Variants in ATG10 observed in about 807,000 individuals in gnomAD.
The protein encoded by ATG10 is ubiquitin-like-conjugating enzyme ATG10.
In ATG10, 30 loss-of-function variants were observed where a neutral mutation model predicts 32.1. That is an observed-to-expected ratio of 0.94 (90% CI 0.70 to 1.27). ATG10 has a LOEUF of 1.27. Ranked by LOEUF, ATG10 falls within the 50% of genes most tolerant of loss-of-function variation. The pLI is 0.00. For synonymous variants in ATG10, 87 were observed against 91.5 expected (o/e 0.95, Z 0.28); for missense variants, 233 against 262.3 (o/e 0.89, Z 0.77).
At chr5:82,156,917 C>T (rs929012133) in intron 3 of ATG10, among the ~76,000 whole-genome samples, 1 of 152,214 alleles carries the variant, frequency 6.6e-6, no homozygotes, top group African/African-American at 2.4e-5. Context: ...CACAGTTCCA[C>T]CTTTTACTTG....
chr5:82,056,208 A>T (rs1364063539), intron 2 of ATG10, among the ~76,000 whole-genome samples: 1 of 152,200 alleles, frequency 6.6e-6, no homozygotes, highest in Non-Finnish European at 1.5e-5. Context: ...GTTACTTAAT[A>T]GCAAAATTAT....
chr5:82,252,672 A>G lies in ATG10; in HGVS notation c.551+13A>G, dbSNP rs754075852. The G allele has an allele frequency of 1.4e-6, 2 of 1,440,450 alleles. No individual in the cohort carries two copies. Among genetic ancestry groups the G allele is most frequent in the Non-Finnish European group, 9.7e-7 (1 of 1,035,706 alleles). The allele number at this position is 1,440,450 out of a possible 1,614,324, so 89.2% of individuals were successfully genotyped here. ...AGAAAATCAATAAGTAAGAAACACCATCAAGATACATTGGCTTCTACTCTG... is the reference window on the plus strand; with the variant it reads ...AGAAAATCAATAAGTAAGAAACACCGTCAAGATACATTGGCTTCTACTCTG... On this transcript the variant is annotated intron_variant, in intron 6 of 7. Coordinates refer to ENST00000282185, the MANE Select transcript of ATG10 (RefSeq NM_031482.5).
At chr5:82,238,817 T>G (rs762527027) in intron 5 of ATG10, among the ~76,000 whole-genome samples, 2 of 152,148 alleles carry the variant, frequency 1.3e-5, no homozygotes, top group Admixed American at 6.5e-5. Context: ...GCATATATTT[T>G]GGTAGTATTT....
chr5:82,039,142 G>A (rs765067409), intron 2 of ATG10, among the ~76,000 whole-genome samples: 4 of 152,164 alleles, frequency 2.6e-5, no homozygotes, highest in South Asian at 4.1e-4. Flanking sequence ...CACCGTGCCT[G>A]GCCCCCTTTT....
chr5:82,142,227 A>G (rs1344177285), intron 3 of ATG10, among the ~76,000 whole-genome samples: 1 of 152,228 alleles, frequency 6.6e-6, no homozygotes, highest in African/African-American at 2.4e-5. Context: ...AGGCTAGTGG[A>G]CAGACTCATA....
rs1747442672 is a variant in ATG10, at chr5:82,255,867, C to T, written c.*1804C>T. On this transcript the variant is annotated 3_prime_UTR_variant, in exon 8 of 8. Transcript: ENST00000282185. Reference sequence around the variant, plus strand: ...CTGCAGATTAAGAGCTGAACTCTCACAGAGAAAGTGGAAGTAGAGAAAGGG... The same window carrying T: ...CTGCAGATTAAGAGCTGAACTCTCATAGAGAAAGTGGAAGTAGAGAAAGGG... 2 of 152,174 alleles carry T rather than the reference C, an allele frequency of 1.3e-5. No homozygotes were observed. The highest frequency in any genetic ancestry group is 4.8e-5 in the African/African-American group (2 of 41,438). The allele number at this position is 152,174 out of a possible 1,614,324, so 9.4% of individuals were successfully genotyped here.
intron 3 of ATG10, among the ~76,000 whole-genome samples, chr5:82,062,177 C>A (rs1195189611): frequency 6.6e-6 from 1 of 151,708 alleles, no homozygotes; most frequent in East Asian, 1.9e-4. Context: ...TATTTTTTTT[C>A]AACAATCAAT....
intron 3 of ATG10, among the ~76,000 whole-genome samples, chr5:82,084,671 C>T (rs186814165): frequency 7.0e-4 from 106 of 152,246 alleles, no homozygotes; most frequent in African/African-American, 1.9e-3. Context: ...GAGTGGGGGA[C>T]GGTATTCAAC....
intron 2 of ATG10, among the ~76,000 whole-genome samples, chr5:82,055,051 C>T (rs1257262448): frequency 1.3e-5 from 2 of 152,000 alleles, no homozygotes; most frequent in African/African-American, 2.4e-5. Context: ...TGGTGGTTCT[C>T]CTGCTTTTGA....
intron 3 of ATG10, among the ~76,000 whole-genome samples, chr5:82,071,862 G>A (rs80013878): frequency 0.021 from 3,177 of 152,246 alleles, 47 homozygotes; most frequent in Non-Finnish European, 0.029. Flanking sequence ...CTGAATCTGG[G>A]ATTCCTGTTC....
chr5:82,193,711 A>G (rs552722417), intron 5 of ATG10, among the ~76,000 whole-genome samples: 9 of 152,222 alleles, frequency 5.9e-5, no homozygotes, highest in Non-Finnish European at 1.2e-4. Context: ...TAAAATAATC[A>G]CTTTTGATTC....
At chr5:82,149,260 A>T (rs1392538202) in intron 3 of ATG10, among the ~76,000 whole-genome samples, 1 of 151,720 alleles carries the variant, frequency 6.6e-6, no homozygotes, top group African/African-American at 2.4e-5. Flanking sequence ...ACTTTTATCT[A>T]GTTCTACCCC....
chr5:81,983,601 C>T (rs1761142222), intron 1 of ATG10, among the ~76,000 whole-genome samples: 1 of 150,060 alleles, frequency 6.7e-6, no homozygotes, highest in African/African-American at 2.5e-5. Flanking sequence ...CAGAGGCGCC[C>T]CTCACCTCCC....
intron 3 of ATG10, among the ~76,000 whole-genome samples, chr5:82,130,393 A>T (rs115003002): frequency 6.6e-6 from 1 of 150,982 alleles, no homozygotes; most frequent in Non-Finnish European, 1.5e-5. Context: ...CTTGGGTATT[A>T]AAAAAAAAGC....
intron 2 of ATG10, among the ~76,000 whole-genome samples, chr5:82,053,195 A>G (rs1172706120): frequency 6.6e-6 from 1 of 152,204 alleles, no homozygotes; most frequent in Non-Finnish European, 1.5e-5. Context: ...TAGGTAAAAA[A>G]TGTTATCACA....
At chr5:82,073,411 A>G (rs1764185507) in intron 3 of ATG10, 1 of 152,166 alleles carries the variant, frequency 6.6e-6, no homozygotes, top group Non-Finnish European at 1.5e-5. Flanking sequence ...AAGGTAACAT[A>G]TGGGTCTGCC....
At chr5:82,158,166 G>A (rs1178011320) in intron 3 of ATG10, among the ~76,000 whole-genome samples, 1 of 152,068 alleles carries the variant, frequency 6.6e-6, no homozygotes, top group East Asian at 1.9e-4. Flanking sequence ...TCAACTTATT[G>A]TTAATTGAAT....
intron 2 of ATG10, chr5:81,992,468 C>A (rs1035846616): frequency 2.0e-5 from 3 of 151,070 alleles, no homozygotes; most frequent in African/African-American, 7.3e-5. Flanking sequence ...GTGGTGCGTT[C>A]CTGGCTCGCC....
intron 5 of ATG10, among the ~76,000 whole-genome samples, chr5:82,248,209 T>C (rs928194635): frequency 2.6e-5 from 4 of 152,252 alleles, no homozygotes; most frequent in African/African-American, 9.6e-5. Flanking sequence ...ATTTCCAGAA[T>C]GTCCCCATTA....
Sources: allele counts gnomAD v4.1 joint callset (sites outside exome capture counted in the v4.1 genomes callset), GRCh38; gene constraint gnomAD v4.1.1; transcripts MANE v1.5; gene names NCBI Gene and HGNC (gene_info 2026-07-23, HGNC 2026-07-21).